Variants in ZCCHC14 observed in about 807,000 individuals in gnomAD.
The protein encoded by ZCCHC14 is zinc finger CCHC-type containing 14.
ZCCHC14 carries 16 observed loss-of-function variants against 85.0 expected under a neutral mutation model. The observed-to-expected ratio is 0.19, with a 90% CI of 0.13 to 0.29. The LOEUF (loss-of-function observed/expected upper bound fraction) is 0.29. Ranked by LOEUF, ZCCHC14 falls within the 10% of genes least tolerant of loss-of-function variation. The pLI, the probability that ZCCHC14 is intolerant of heterozygous loss-of-function variation, is 1.00. For missense variants in ZCCHC14, 1,303 were observed against 1,443.5 expected (o/e 0.90, Z 1.58); for synonymous variants, 775 against 630.7 (o/e 1.23, Z -3.43).
intron 2 of ZCCHC14, among the ~76,000 whole-genome samples, chr16:87,458,839 G>A (rs182477641): frequency 1.2e-3 from 184 of 152,278 alleles, no homozygotes; most frequent in Admixed American, 2.1e-3. Flanking sequence ...GGACACAGCC[G>A]GCCTCGGTAC....
intron 1 of ZCCHC14, among the ~76,000 whole-genome samples, chr16:87,478,173 A>G (rs946053884): frequency 7.2e-5 from 11 of 152,250 alleles, no homozygotes; most frequent in Admixed American, 2.0e-4. Flanking sequence ...ACCCACACAT[A>G]TAAGTGCTTT....
chr16:87,427,501 C>G (rs1010237918), intron 3 of ZCCHC14, among the ~76,000 whole-genome samples: 1 of 152,130 alleles, frequency 6.6e-6, no homozygotes, highest in Non-Finnish European at 1.5e-5. Context: ...CAACCTCCGC[C>G]TCCCGGGTTT....
chr16:87,430,225 G>A (rs989099666), intron 3 of ZCCHC14, among the ~76,000 whole-genome samples: 2 of 152,140 alleles, frequency 1.3e-5, no homozygotes, highest in African/African-American at 2.4e-5. Context: ...TTGGTGTAAG[G>A]GCAGCGGCGG....
chr16:87,429,206 G>A (rs938688769), intron 3 of ZCCHC14, among the ~76,000 whole-genome samples: 2 of 152,190 alleles, frequency 1.3e-5, no homozygotes, highest in African/African-American at 2.4e-5. Context: ...GGTGGGGCCG[G>A]CGTTTTTCAT....
Position 87,411,874 on chromosome 16 carries a change from G to T in ZCCHC14, c.2847C>A (p.His949Gln), listed in dbSNP as rs375015291. ...TGAACACGGACGGACCGGAGAACGGGTGCTGGAAGTAGTTGGCGTAGCTGA... is the reference window on the plus strand; with the variant it reads ...TGAACACGGACGGACCGGAGAACGGTTGCTGGAAGTAGTTGGCGTAGCTGA... Reference protein sequence around the residue: ...LTVSYANYFQHPFSGPSVFTF... With the variant: ...LTVSYANYFQQPFSGPSVFTF... Residue 949 changes from histidine (H) to glutamine (Q), a missense_variant, in exon 12 of 13, where the codon CAC (histidine) becomes CAA (glutamine). Around this residue, in one of 7 missense-constraint regions of ZCCHC14, gnomAD observed 797 missense variants for 730.8 expected, o/e 1.09. Coordinates refer to ENST00000671377, the MANE Select transcript of ZCCHC14 (RefSeq NM_015144.3). The T allele has an allele frequency of 1.2e-6, 2 of 1,603,722 alleles. No homozygotes were observed. The highest frequency in any genetic ancestry group is 1.7e-6 in the Non-Finnish European group (2 of 1,175,956).
chr16:87,483,406 G>C (rs926304663), intron 1 of ZCCHC14, among the ~76,000 whole-genome samples: 2 of 148,710 alleles, frequency 1.3e-5, no homozygotes, highest in Non-Finnish European at 3.0e-5. Flanking sequence ...CAGAAGAATT[G>C]CTTGAACCCG....
intron 3 of ZCCHC14, among the ~76,000 whole-genome samples, chr16:87,429,167 C>G (rs1189429878): frequency 6.6e-6 from 1 of 152,216 alleles, no homozygotes; most frequent in African/African-American, 2.4e-5. Context: ...GAATGTGATT[C>G]TAGCTCCCCC....
At chr16:87,424,600 G>A (rs1398200237) in intron 3 of ZCCHC14, among the ~76,000 whole-genome samples, 1 of 152,162 alleles carries the variant, frequency 6.6e-6, no homozygotes, top group Non-Finnish European at 1.5e-5. Flanking sequence ...AGCTCCAGGG[G>A]GGAAGGGGCG....
Position 87,429,813 on chromosome 16 carries a change from G to C in ZCCHC14, c.768+3315C>G, listed in dbSNP as rs528073949. The stretch of plus-strand genomic sequence containing the variant: ...CTAGAGAGAGGGTTTTGCCATCTTG[G>C]CTAGGCTGGTCTCAAACTCCTGACC... On this transcript the variant is annotated intron_variant, in intron 3 of 12. Coordinates refer to ENST00000671377, the MANE Select transcript of ZCCHC14 (RefSeq NM_015144.3). 9.8e-5 allele frequency among the ~76,000 whole-genome samples: 15 copies of C among 152,322 alleles called. No individual in the cohort carries two copies. In the East Asian group the frequency reaches 2.9e-3, roughly 29 times the overall value.
At chr16:87,419,987 AGCC>A in intron 5 of ZCCHC14, 110 bp from the exon 6 acceptor site, 1 of 829,740 alleles carries the variant, frequency 1.2e-6, no homozygotes, top group African/African-American at 1.7e-5. Context: ...AGAGGAAAAA[AGCC>A]AGAAGTGCCA....
At chr16:87,424,440 G>A (rs1292234743) in intron 3 of ZCCHC14, among the ~76,000 whole-genome samples, 3 of 152,186 alleles carry the variant, frequency 2.0e-5, no homozygotes, top group South Asian at 2.1e-4. Flanking sequence ...TCACTGCTGG[G>A]GAAGAGCAGT....
chr16:87,468,237 C>G (rs1911619489), intron 1 of ZCCHC14, among the ~76,000 whole-genome samples: 1 of 152,106 alleles, frequency 6.6e-6, no homozygotes, highest in Non-Finnish European at 1.5e-5. Context: ...CTGTACGTAA[C>G]CATTTCAGGT....
In ZCCHC14 at chr16:87,418,855, C is replaced by T; in HGVS notation, c.1092G>A (p.Val364=). 1.2e-6 allele frequency: 2 copies of T among 1,613,464 alleles called. No homozygotes were observed. The highest frequency in any genetic ancestry group is 2.2e-5 in the South Asian group (2 of 91,022). Residue 364 remains valine, a synonymous_variant, in exon 7 of 13, where the codon GTG becomes GTA. Coordinates refer to ENST00000671377, the MANE Select transcript of ZCCHC14 (RefSeq NM_015144.3). ...CATAGAAGATTTCTCACCTTCCAGACACGCCCATCACGGTACCTACTTTAG... is the reference window on the plus strand; with the variant it reads ...CATAGAAGATTTCTCACCTTCCAGATACGCCCATCACGGTACCTACTTTAG... ...SLSKVGTVMG[V]SGRPVCGVAG... is the part of the protein sequence containing the mutation.
At chr16:87,421,609 G>A (rs1280574789) in intron 4 of ZCCHC14, among the ~76,000 whole-genome samples, 4 of 152,114 alleles carry the variant, frequency 2.6e-5, no homozygotes, top group Non-Finnish European at 4.4e-5. Flanking sequence ...GTCTACCCCC[G>A]AAAAGGGGCC....
In ZCCHC14 at chr16:87,485,562, A is replaced by G. The variant is rs1164101018; in HGVS notation, c.570+6107T>C. On this transcript the variant is annotated intron_variant, in intron 1 of 12. Coordinates refer to ENST00000671377, the MANE Select transcript of ZCCHC14 (RefSeq NM_015144.3). Reference sequence around the variant, plus strand: ...TACACTTCTTACTTAAACTAACAAGATAACTACTGTTCCAACGGGCAGTTT... The same window carrying G: ...TACACTTCTTACTTAAACTAACAAGGTAACTACTGTTCCAACGGGCAGTTT... Among the ~76,000 whole-genome samples the G allele has an allele frequency of 2.0e-5, 3 of 151,114 alleles. No homozygotes were observed. In the East Asian group the frequency reaches 5.8e-4, roughly 29 times the overall value.
At chr16:87,447,694 C>T (rs1284929076) in intron 2 of ZCCHC14, among the ~76,000 whole-genome samples, 5 of 152,162 alleles carry the variant, frequency 3.3e-5, no homozygotes, top group Admixed American at 2.0e-4. Context: ...TGTGGATGTA[C>T]GCTTTCATTT....
intron 2 of ZCCHC14, among the ~76,000 whole-genome samples, chr16:87,433,914 A>G (rs1909786261): frequency 6.6e-6 from 1 of 151,230 alleles, no homozygotes; most frequent in South Asian, 2.1e-4. Context: ...AACGTGCTGG[A>G]TTTACAGGCG....
chr16:87,467,383 T>C (rs13331353), intron 1 of ZCCHC14: 2 of 1,599,278 alleles, frequency 1.3e-6, no homozygotes, highest in African/African-American at 1.4e-5. Flanking sequence ...CAAGAGAAAC[T>C]GGGCACAGTT....
In ZCCHC14 at chr16:87,412,358, A is replaced by G; in HGVS notation, c.2363T>C (p.Ile788Thr). ...LSSSVPADSA[I>T]SGQTSCPNNV... The stretch of plus-strand genomic sequence containing the variant: ...ATTAGGACAGGAAGTTTGCCCAGAA[A>G]TGGCAGAATCAGCAGGAACAGATGA... Residue 788 changes from isoleucine (I) to threonine (T), a missense_variant, in exon 12 of 13, where the codon ATT becomes ACT. Physicochemically the swap from Ile to Thr is moderately conservative, Grantham distance 89. Coordinates refer to ENST00000671377, the MANE Select transcript of ZCCHC14 (RefSeq NM_015144.3). 1.9e-6 allele frequency: 3 copies of G among 1,614,172 alleles called. No homozygotes were observed. Among genetic ancestry groups the G allele is most frequent in the Non-Finnish European group, 2.5e-6 (3 of 1,180,044 alleles).
Sources: gnomAD v4.1 joint callset for allele counts (sites outside exome capture counted in the v4.1 genomes callset) on GRCh38, gnomAD v4.1.1 for gene constraint, gnomAD v4.1.1 regional missense constraint, MANE v1.5 for transcripts, NCBI Gene and HGNC (gene_info 2026-07-23, HGNC 2026-07-21) for gene names.